Variants in DPP6 observed in about 807,000 individuals in gnomAD.
The protein encoded by DPP6 is A-type potassium channel modulatory protein DPP6.
In DPP6, 69 loss-of-function variants were observed where a neutral mutation model predicts 122.6. That is an observed-to-expected ratio of 0.56 (90% confidence interval 0.46 to 0.69). The LOEUF is 0.69. DPP6 is among the 30% of genes least tolerant of loss of function. The pLI is 0.00. For synonymous variants in DPP6, 418 were observed against 433.1 expected, an observed-to-expected ratio of 0.97 and a Z score of 0.43; for missense variants, 928 against 1,116.9, an observed-to-expected ratio of 0.83 and a Z score of 2.41.
rs1465237683 is a variant in DPP6, at chr7:154,376,406, T to A, written c.244-69808T>A. ...AAGTGCCATTTTCCTACCCCTGTGT[T>A]TTAACAAGTATTCCTGGTGTTTAGA... is the stretch of plus-strand genomic sequence containing the variant. On this transcript the variant is annotated intron_variant, in intron 1 of 25. Transcript: ENST00000377770. Among the ~76,000 whole-genome samples, 33 of 152,198 alleles carry A rather than the reference T, an allele frequency of 2.2e-4. 1 individual carries two copies.
intron 1 of DPP6, among the ~76,000 whole-genome samples, chr7:154,093,489 A>AACCACACACACAAACACAAAC (rs1805038501): frequency 8.4e-6 from 1 of 118,438 alleles, no homozygotes; most frequent in Non-Finnish European, 1.8e-5. Flanking sequence ...ACCACACACA[A>AACCACACACACAAACACAAAC]ACCACACACA....
At chr7:153,935,223 C>T (rs1337211547) in intron 1 of DPP6, among the ~76,000 whole-genome samples, 6 of 151,844 alleles carry the variant, frequency 4.0e-5, no homozygotes, top group Non-Finnish European at 4.4e-5. Flanking sequence ...CAGAGAGGGA[C>T]CAGTGTCCCG....
At chr7:154,429,784 A>G (rs1818207352) in intron 1 of DPP6, among the ~76,000 whole-genome samples, 1 of 152,182 alleles carries the variant, frequency 6.6e-6, no homozygotes, top group Admixed American at 6.5e-5. Context: ...AATGAGGTGC[A>G]GCGAGGCCGG....
At chr7:154,473,079 A>C (rs977950596) in intron 2 of DPP6, among the ~76,000 whole-genome samples, 2 of 152,214 alleles carry the variant, frequency 1.3e-5, no homozygotes, top group Non-Finnish European at 2.9e-5. Context: ...ATCATTCTTG[A>C]ATAGTGAAGT....
chr7:154,280,945 A>G (rs1017595687), intron 1 of DPP6, among the ~76,000 whole-genome samples: 5 of 152,152 alleles, frequency 3.3e-5, no homozygotes, highest in African/African-American at 9.7e-5. Context: ...GTAGAGATAT[A>G]TAACTGTTAA....
intron 20 of DPP6, among the ~76,000 whole-genome samples, chr7:154,880,439 C>A (rs563953505): frequency 2.0e-5 from 3 of 152,346 alleles, no homozygotes; most frequent in African/African-American, 7.2e-5. Context: ...GATGGGGTCT[C>A]ACTGGCTTGA....
At chr7:154,803,266 T>C (rs1359209425) in intron 13 of DPP6, among the ~76,000 whole-genome samples, 1 of 152,234 alleles carries the variant, frequency 6.6e-6, no homozygotes, top group Non-Finnish European at 1.5e-5. Context: ...TAGATGGCCC[T>C]GTCTCTCTCT....
At chr7:154,379,888 C>A (rs763630267) in intron 1 of DPP6, among the ~76,000 whole-genome samples, 24 of 152,240 alleles carry the variant, frequency 1.6e-4, no homozygotes, top group Non-Finnish European at 2.6e-4. Flanking sequence ...ATCTGCCACC[C>A]AAAATGCCAC....
chr7:154,043,010 A>G (rs2129058468), intron 1 of DPP6, among the ~76,000 whole-genome samples: 1 of 152,310 alleles, frequency 6.6e-6, no homozygotes, highest in Middle Eastern at 3.4e-3. Context: ...CCTTCCCAGG[A>G]AATCAGGAGC....
intron 1 of DPP6, among the ~76,000 whole-genome samples, chr7:154,315,129 T>C (rs941317880): frequency 5.9e-5 from 9 of 152,222 alleles, no homozygotes; most frequent in African/African-American, 1.9e-4. Context: ...CCCCAATTTT[T>C]AAAAGGAAGC....
chr7:154,283,014 G>A (rs1804626291), intron 1 of DPP6, among the ~76,000 whole-genome samples: 1 of 152,136 alleles, frequency 6.6e-6, no homozygotes, highest in Non-Finnish European at 1.5e-5. Context: ...ATACATATCT[G>A]TGGAATCAGG....
intron 8 of DPP6, among the ~76,000 whole-genome samples, chr7:154,729,909 A>G (rs13225744): frequency 0.2 from 30,043 of 152,164 alleles, 3,168 homozygotes; most frequent in Admixed American, 0.24. Context: ...TGCTGTAGTT[A>G]TGCCTGTTCT....
At chr7:153,759,014 G>T in the DPP6 span, among the ~76,000 whole-genome samples, 47 of 151,616 alleles carry the variant, frequency 3.1e-4, no homozygotes, top group Admixed American at 1.5e-3. Context: ...GAGGCTTCCG[G>T]TTCCCCCAAA....
At chr7:153,905,278 G>A (rs913045878) in intron 1 of DPP6, among the ~76,000 whole-genome samples, 65 of 152,160 alleles carry the variant, frequency 4.3e-4, no homozygotes, top group African/African-American at 1.6e-3. Flanking sequence ...TGATTATGTT[G>A]GGAGAGAGGA....
chr7:154,591,594 G>A (rs563723275), intron 5 of DPP6, among the ~76,000 whole-genome samples: 1 of 152,316 alleles, frequency 6.6e-6, no homozygotes, highest in African/African-American at 2.4e-5. Flanking sequence ...CAGGGGGCGT[G>A]CAGTTCCTCA....
At chr7:154,883,310 A>C (rs1223493205) in intron 21 of DPP6, among the ~76,000 whole-genome samples, 1 of 147,064 alleles carries the variant, frequency 6.8e-6, no homozygotes, top group Non-Finnish European at 1.5e-5. Context: ...TCACCCATAC[A>C]CCTGCTCACA....
At position 154,326,675 on chromosome 7, in the gene DPP6, A is replaced by G. The variant is rs537603798; in HGVS notation, c.244-119539A>G. Reference sequence around the variant, plus strand: ...TTTAAAACATTTGCAGGCTACTGCAATCATCGTCATACAATCTGTATAGTT... The same window carrying G: ...TTTAAAACATTTGCAGGCTACTGCAGTCATCGTCATACAATCTGTATAGTT... On this transcript the variant is annotated intron_variant, in intron 1 of 25. Transcript: ENST00000377770. 3.3e-5 allele frequency among the ~76,000 whole-genome samples: 5 copies of G among 152,358 alleles called. No homozygotes were observed. In the East Asian group the frequency reaches 9.6e-4, roughly 29 times the overall value.
At chr7:153,843,127 CACACTTGCATACAG>C in the DPP6 span, among the ~76,000 whole-genome samples, 2 of 151,876 alleles carry the variant, frequency 1.3e-5, no homozygotes, top group African/African-American at 2.4e-5. Context: ...CATGCGCATA[CACACTTGCATACAG>C]ACACGTGCAT....
chr7:154,060,084 C>T lies in DPP6; in HGVS notation c.243+7021C>T, dbSNP rs575357622. ...TTCCCCCCCTGGCTCTTGGGACCAC[C>T]ATCGCAGGGGGGGAGGCAATCCTCC... On this transcript the variant is annotated intron_variant, in intron 1 of 25. Transcript: ENST00000377770. Among the ~76,000 whole-genome samples the T allele has an allele frequency of 6.6e-4, 98 of 149,500 alleles. 3 individuals carry two copies. The highest frequency in any genetic ancestry group is 2.2e-3 in the Admixed American group (33 of 15,082).
Sources: allele counts gnomAD v4.1 joint callset (sites outside exome capture counted in the v4.1 genomes callset), GRCh38; gene constraint gnomAD v4.1.1; transcripts MANE v1.5; gene names NCBI Gene and HGNC (gene_info 2026-07-23, HGNC 2026-07-21).